AKAP9: variants seen among roughly 807,000 people sequenced by gnomAD.
The protein encoded by AKAP9 is A-kinase anchor protein 9.
A neutral mutation model predicts 488.5 loss-of-function variants in AKAP9; 311 were observed. The observed-to-expected ratio is 0.64, with a 90% CI of 0.58 to 0.70. The LOEUF is 0.70. Ranked by LOEUF, AKAP9 falls within the 30% of genes least tolerant of loss-of-function variation. The probability of loss-of-function intolerance (pLI) is 0.00; values close to 1 mark genes in which losing one functional copy is unlikely to be tolerated. For missense variants in AKAP9, 4,215 were observed against 4,374.5 expected (o/e 0.96, Z 1.03); for synonymous variants, 1,462 against 1,483.5 (o/e 0.99, Z 0.33).
chr7:92,068,099 G>A (rs1438789438), intron 26 of AKAP9, among the ~76,000 whole-genome samples: 1 of 152,034 alleles, frequency 6.6e-6, no homozygotes, highest in South Asian at 2.1e-4. Context: ...GATGGCTCAA[G>A]CCTGTAATCC....
chr7:92,077,166 G>A (rs1357732906), intron 29 of AKAP9, among the ~76,000 whole-genome samples, 159 bp downstream of exon 29: 1 of 142,940 alleles, frequency 7.0e-6, no homozygotes, highest in African/African-American at 2.6e-5. Flanking sequence ...TGTGATCTCG[G>A]CTCATTGCAA....
intron 16 of AKAP9, among the ~76,000 whole-genome samples, chr7:92,032,880 G>A (rs1034392858): frequency 2.6e-5 from 4 of 152,044 alleles, no homozygotes; most frequent in African/African-American, 7.2e-5. Flanking sequence ...TAATTAACAT[G>A]AGGTTTGGTA....
chr7:91,953,630 C>T (rs1325309329), intron 1 of AKAP9, among the ~76,000 whole-genome samples: 4 of 152,072 alleles, frequency 2.6e-5, no homozygotes, highest in Non-Finnish European at 4.4e-5. Context: ...TCATCATTAT[C>T]GTCATTCTGG....
intron 27 of AKAP9, 25 bp from the exon 28 acceptor site, chr7:92,070,880 T>C (rs1436947711): frequency 6.5e-7 from 1 of 1,532,974 alleles, no homozygotes; most frequent in Non-Finnish European, 8.9e-7. Flanking sequence ...TATCAAATTT[T>C]GAGAAAATTT....
In AKAP9 at chr7:91,940,967, C is replaced by T. The variant is rs1790668465; in HGVS notation, c.-133C>T. On this transcript the variant is annotated 5_prime_UTR_variant, in exon 1 of 50. Coordinates refer to ENST00000356239, the MANE Select transcript of AKAP9 (RefSeq NM_005751.5). ...GCGCGGAGACTGCTTCCACTTCGGG[C>T]GGGGGAGCGCCGGACCGAATCGGCT... is the stretch of plus-strand genomic sequence containing the variant. 2.1e-6 allele frequency: 2 copies of T among 934,560 alleles called. No individual in the cohort carries two copies. The highest frequency in any genetic ancestry group is 3.5e-6 in the Non-Finnish European group (2 of 572,826). The allele number at this position is 934,560 out of a possible 1,614,324, so 57.9% of individuals were successfully genotyped here. A position where few individuals can be genotyped will look rare whatever the true frequency, so the allele number is the denominator to read the frequency against.
intron 1 of AKAP9, among the ~76,000 whole-genome samples, chr7:91,949,354 C>G (rs1182146531): frequency 6.6e-6 from 1 of 152,056 alleles, no homozygotes; most frequent in Non-Finnish European, 1.5e-5. Context: ...TTGATAACAG[C>G]ATGATGCTGA....
chr7:92,037,074 G>A (rs1805324960), intron 16 of AKAP9, among the ~76,000 whole-genome samples: 1 of 152,162 alleles, frequency 6.6e-6, no homozygotes, highest in Admixed American at 6.5e-5. Flanking sequence ...TATTAAATAT[G>A]TGACCTTTGA....
intron 1 of AKAP9, among the ~76,000 whole-genome samples, chr7:91,950,573 T>C (rs1368697750): frequency 1.3e-5 from 2 of 152,180 alleles, no homozygotes; most frequent in African/African-American, 4.8e-5. Context: ...TTATTAGTTG[T>C]TTCCCCAGAG....
chr7:92,059,873 A>G (rs1809446278), intron 22 of AKAP9, among the ~76,000 whole-genome samples: 1 of 151,946 alleles, frequency 6.6e-6, no homozygotes, highest in South Asian at 2.1e-4. Context: ...TTTCCAGTTA[A>G]AAGTAAAAAT....
chr7:92,036,617 G>GT (rs1219899838), intron 16 of AKAP9, among the ~76,000 whole-genome samples: 1 of 152,010 alleles, frequency 6.6e-6, no homozygotes, highest in African/African-American at 2.4e-5. Context: ...TTAGATGTTG[G>GT]TTGACCATTC....
At position 92,001,451 on chromosome 7, in the gene AKAP9, C is replaced by G. The variant is rs767454911; in HGVS notation, c.1534C>G (p.Leu512Val). Residue 512 changes from leucine to valine, a missense_variant, in exon 8 of 50, where the codon CTC becomes GTC. Coordinates refer to ENST00000356239, the MANE Select transcript of AKAP9 (RefSeq NM_005751.5). ...AGATACTAACTCTCAAAAGGAAAAA[C>G]TCAAGGAAGAACTAGGACTAATTTT... is the stretch of plus-strand genomic sequence containing the variant. ...LQDTNSQKEK[L>V]KEELGLILEE... 4 of 1,613,840 alleles carry G rather than the reference C, an allele frequency of 2.5e-6. No individual in the cohort carries two copies. In the Admixed American group the frequency reaches 6.7e-5, roughly 27 times the overall value.
At chr7:92,095,540 C>A (rs554668199) in intron 40 of AKAP9, among the ~76,000 whole-genome samples, 1 of 152,266 alleles carries the variant, frequency 6.6e-6, no homozygotes, top group South Asian at 2.1e-4. Flanking sequence ...TTTTCTGGAG[C>A]CCTCACTGCT....
chr7:92,079,845 G>A lies in AKAP9; in HGVS notation c.7712G>A (p.Cys2571Tyr). The change falls in exon 31 of 50, where the codon TGT (cysteine) becomes TAT (tyrosine). Residue 2571 changes from cysteine (C) to tyrosine (Y), a missense_variant. Transcript: ENST00000356239. ...GCAGTTCAGGAATATGCAAAATTCT[G>A]TCAAGATAATCAAACAATTTCATCA... The part of the protein sequence containing the change: ...LEAVQEYAKF[C>Y]QDNQTISSEP... The A allele has an allele frequency of 6.2e-7, 1 of 1,614,052 alleles. No homozygotes were observed. The highest frequency in any genetic ancestry group is 8.5e-7 in the Non-Finnish European group (1 of 1,179,990).
intron 6 of AKAP9, among the ~76,000 whole-genome samples, chr7:91,995,061 A>G (rs1180711773): frequency 6.6e-6 from 1 of 152,204 alleles, no homozygotes; most frequent in African/African-American, 2.4e-5. Context: ...ACCTGTAGTC[A>G]CATCCTACCT....
chr7:92,081,492 TATA>T (rs1395113408), intron 31 of AKAP9, among the ~76,000 whole-genome samples: 13 of 118,748 alleles, frequency 1.1e-4, no homozygotes, highest in East Asian at 4.2e-4. Flanking sequence ...TATATATATA[TATA>T]TATTTTTTTT....
chr7:91,945,677 C>T (rs1383050132), intron 1 of AKAP9, among the ~76,000 whole-genome samples: 1 of 152,204 alleles, frequency 6.6e-6, no homozygotes, highest in Non-Finnish European at 1.5e-5. Flanking sequence ...TGAGACATTA[C>T]TGCATTATGT....
intron 3 of AKAP9, among the ~76,000 whole-genome samples, chr7:91,983,896 G>A (rs1306778570): frequency 6.6e-6 from 1 of 152,136 alleles, no homozygotes; most frequent in Non-Finnish European, 1.5e-5. Context: ...CAGTGATGAT[G>A]AGCATTTTTT....
At chr7:92,016,980 G>A (rs1431903090) in intron 11 of AKAP9, 37 bp from the exon 12 acceptor site, 1 of 1,398,652 alleles carries the variant, frequency 7.1e-7, no homozygotes, top group East Asian at 2.4e-5. Context: ...CTTTTACTGT[G>A]AAGTGAAATT....
At position 92,066,403 on chromosome 7, in the gene AKAP9, A is replaced by G. The variant is rs59090575; in HGVS notation, c.6211-24A>G. ...TCTAAATACTGTTTCTTCAGCTACT[A>G]TCATTATTGTCATTAAACTTTAGGA... On this transcript the variant is annotated intron_variant, in intron 25 of 49. Transcript: ENST00000356239. The G allele has an allele frequency of 7.8e-3, 12,536 of 1,611,738 alleles. 549 individuals carry two copies. In the African/African-American group the frequency reaches 0.12, roughly 15 times the overall value.
Sources: allele counts gnomAD v4.1 joint callset (sites outside exome capture counted in the v4.1 genomes callset), GRCh38; gene constraint gnomAD v4.1.1; transcripts MANE v1.5; gene names NCBI Gene and HGNC (gene_info 2026-07-23, HGNC 2026-07-21).